CDH13: variants seen among roughly 807,000 people sequenced by gnomAD.
CDH13 encodes cadherin 13, also known as cadherin-13.
A neutral mutation model predicts 63.8 loss-of-function variants in CDH13; 24 were observed. The ratio of observed to expected loss-of-function variants is 0.38; its 90% CI spans 0.27 to 0.53. CDH13 has a LOEUF of 0.53. Among genes scored for constraint, CDH13 ranks in the 20% least tolerant of loss-of-function variants. The pLI is 0.85. For missense variants in CDH13, 1,049 were observed against 903.1 expected, an observed-to-expected ratio of 1.16 and a Z score of -2.07; for synonymous variants, 503 against 355.3, an observed-to-expected ratio of 1.42 and a Z score of -4.67.
chr16:82,789,708 G>C (rs2036194269), intron 1 of CDH13, among the ~76,000 whole-genome samples: 1 of 152,202 alleles, frequency 6.6e-6, no homozygotes, highest in South Asian at 2.1e-4. Flanking sequence ...ACAGGGCTGT[G>C]CTGCTATTTT....
intron 7 of CDH13, among the ~76,000 whole-genome samples, chr16:83,516,473 A>C (rs146745440): frequency 6.6e-6 from 1 of 152,364 alleles, no homozygotes; most frequent in East Asian, 1.9e-4. Context: ...CAGAGTTCTG[A>C]AATGGAACTA....
intron 6 of CDH13, among the ~76,000 whole-genome samples, chr16:83,448,128 T>C (rs925497315): frequency 1.3e-4 from 20 of 152,212 alleles, no homozygotes; most frequent in African/African-American, 4.1e-4. Context: ...TTTTAAATGA[T>C]AGCTTTGTGT....
At chr16:83,185,065 T>G (rs2038476271) in intron 4 of CDH13, among the ~76,000 whole-genome samples, 1 of 152,140 alleles carries the variant, frequency 6.6e-6, no homozygotes, top group South Asian at 2.1e-4. Flanking sequence ...CCCACCAACC[T>G]GGTAAGGCCG....
intron 5 of CDH13, among the ~76,000 whole-genome samples, chr16:83,324,737 G>A (rs1452639323): frequency 1.3e-5 from 2 of 152,236 alleles, no homozygotes; most frequent in South Asian, 2.1e-4. Flanking sequence ...GGGGACACAT[G>A]TTTTTATTTC....
chr16:83,309,410 C>G (rs917816847), intron 5 of CDH13, among the ~76,000 whole-genome samples: 6 of 151,910 alleles, frequency 3.9e-5, no homozygotes, highest in African/African-American at 1.5e-4. Context: ...GAATCTTACT[C>G]TGTCACCCAG....
chr16:82,915,485 G>A (rs898823199), intron 2 of CDH13, among the ~76,000 whole-genome samples: 3 of 152,130 alleles, frequency 2.0e-5, no homozygotes, highest in African/African-American at 7.2e-5. Flanking sequence ...TTATCAAAGT[G>A]ATATACAGGG....
intron 4 of CDH13, among the ~76,000 whole-genome samples, chr16:83,147,085 CT>C (rs1457719292): frequency 6.6e-6 from 1 of 151,810 alleles, no homozygotes; most frequent in Non-Finnish European, 1.5e-5. Context: ...GAGACTCCAT[CT>C]TAAAAAAAAA....
chr16:82,679,599 C>T (rs1914320853), intron 1 of CDH13, among the ~76,000 whole-genome samples: 1 of 152,200 alleles, frequency 6.6e-6, no homozygotes, highest in Non-Finnish European at 1.5e-5. Context: ...GCTCCTGCAT[C>T]AGACTCCCCT....
chr16:82,805,720 T>C (rs1223407261), intron 1 of CDH13, among the ~76,000 whole-genome samples: 2 of 152,182 alleles, frequency 1.3e-5, no homozygotes, highest in Admixed American at 1.3e-4. Flanking sequence ...TTTCTAATGG[T>C]GCTTTTGCCG....
intron 2 of CDH13, among the ~76,000 whole-genome samples, chr16:82,943,409 T>C (rs1407507789): frequency 1.3e-5 from 2 of 152,210 alleles, no homozygotes; most frequent in African/African-American, 4.8e-5. Flanking sequence ...TGATTTTTTC[T>C]TTTCTTATAT....
At chr16:83,590,527 T>C (rs1408452194) in intron 7 of CDH13, among the ~76,000 whole-genome samples, 3 of 152,064 alleles carry the variant, frequency 2.0e-5, no homozygotes, top group African/African-American at 4.8e-5. Flanking sequence ...AGTGGAGACA[T>C]CCATAACAAG....
At chr16:83,314,563 A>G (rs2090066922) in intron 5 of CDH13, among the ~76,000 whole-genome samples, 1 of 152,060 alleles carries the variant, frequency 6.6e-6, no homozygotes, top group African/African-American at 2.4e-5. Context: ...GTGTTAAAAA[A>G]AAATACGGTA....
At position 82,911,719 on chromosome 16, in the gene CDH13, C is replaced by A. The variant is rs1411837277; in HGVS notation, c.157+53246C>A. 2.6e-5 allele frequency among the ~76,000 whole-genome samples: 4 copies of A among 152,136 alleles called. No homozygotes were observed. In the East Asian group the frequency reaches 7.7e-4, roughly 29 times the overall value. On this transcript the variant is annotated intron_variant, in intron 2 of 13. Coordinates refer to ENST00000567109, the MANE Select transcript of CDH13 (RefSeq NM_001257.5). ...TGGGTGTTCAGAAGTATGGTCCTTC[C>A]CTTACGGCCCCTTACTCAATGGCCA...
chr16:82,874,465 AAGTGCTGCACC>A (rs2040439686), intron 2 of CDH13, among the ~76,000 whole-genome samples: 1 of 151,240 alleles, frequency 6.6e-6, no homozygotes, highest in South Asian at 2.1e-4. Flanking sequence ...AGAAGTGGCC[AAGTGCTGCACC>A]AGCTTTTTTC....
intron 4 of CDH13, among the ~76,000 whole-genome samples, chr16:83,164,322 C>A (rs925108306): frequency 6.6e-6 from 1 of 152,022 alleles, no homozygotes; most frequent in African/African-American, 2.4e-5. Flanking sequence ...ACATACCACA[C>A]ATCACACACC....
intron 2 of CDH13, among the ~76,000 whole-genome samples, chr16:82,900,793 G>A (rs1477582541): frequency 1.3e-5 from 2 of 152,168 alleles, no homozygotes; most frequent in African/African-American, 4.8e-5. Flanking sequence ...AGTGAAGGAA[G>A]AATCAATCAC....
In CDH13 at chr16:83,626,799, A is replaced by T. The variant is rs374065218; in HGVS notation, c.1101+24205A>T. Among the ~76,000 whole-genome samples the T allele has an allele frequency of 1.1e-4, 17 of 151,946 alleles. No homozygotes were observed. In the South Asian group the frequency reaches 2.7e-3, roughly 24 times the overall value. On this transcript the variant is annotated intron_variant, in intron 8 of 13. Transcript: ENST00000567109. ...ACTGCCGAGTCTCTACTTTTACTGA[A>T]TTTAGTCCTGAATCCCACACAGACT...
At chr16:83,335,990 A>G (rs916736502) in intron 5 of CDH13, among the ~76,000 whole-genome samples, 2 of 151,984 alleles carry the variant, frequency 1.3e-5, no homozygotes, top group African/African-American at 2.4e-5. Context: ...TTACAGCCCT[A>G]CAGCTATATT....
At chr16:82,722,585 T>G (rs2032844824) in intron 1 of CDH13, among the ~76,000 whole-genome samples, 1 of 152,136 alleles carries the variant, frequency 6.6e-6, no homozygotes, top group Non-Finnish European at 1.5e-5. Context: ...CACCCTTATT[T>G]TCATGGACCA....
Sources: gnomAD v4.1 joint callset for allele counts (sites outside exome capture counted in the v4.1 genomes callset) on GRCh38, gnomAD v4.1.1 for gene constraint, MANE v1.5 for transcripts, NCBI Gene and HGNC (gene_info 2026-07-23, HGNC 2026-07-21) for gene names.